Variants in MAP2K3 observed in about 807,000 individuals in gnomAD.
The protein encoded by MAP2K3 is dual specificity mitogen-activated protein kinase kinase 3.
A neutral mutation model predicts 46.4 loss-of-function variants in MAP2K3; 30 were observed. The observed-to-expected ratio is 0.65, with a 90% CI of 0.48 to 0.88. The LOEUF (loss-of-function observed/expected upper bound fraction) is 0.88, where lower values mean the gene tolerates loss of function less well. Ranked by LOEUF, MAP2K3 falls within the 40% of genes least tolerant of loss-of-function variation. MAP2K3 has a pLI of 0.00. For missense variants in MAP2K3, 380 were observed against 464.5 expected (o/e 0.82, Z 1.67); for synonymous variants, 189 against 176.3 (o/e 1.07, Z -0.57).
intron 1 of MAP2K3, chr17:21,298,211 T>C: frequency 1.3e-6 from 1 of 795,220 alleles, no homozygotes; most frequent in Non-Finnish European, 2.2e-6. Flanking sequence ...CCTGGGTCTG[T>C]CCTGCTCTGC....
At chr17:21,313,940 C>T in intron 11 of MAP2K3, 1 of 606,926 alleles carries the variant, frequency 1.6e-6, no homozygotes, top group South Asian at 1.9e-5. Flanking sequence ...GTTAGTGTGG[C>T]TGGAGAGTGA....
intron 5 of MAP2K3, among the ~76,000 whole-genome samples, chr17:21,301,532 A>T (rs1976600306): frequency 6.6e-6 from 1 of 152,312 alleles, no homozygotes; most frequent in South Asian, 2.1e-4. Flanking sequence ...CCCCTCAAAG[A>T]GCTGTGGCAG....
At position 21,284,873 on chromosome 17, in the gene MAP2K3, G is replaced by A. The variant is rs781648197; in HGVS notation, c.-48G>A. The A allele has an allele frequency of 8.1e-6, 13 of 1,597,526 alleles. No homozygotes were observed. The Middle Eastern group carries it at 5.0e-4, about 61-fold the overall frequency. On this transcript the variant is annotated 5_prime_UTR_variant, in exon 1 of 12. Transcript: ENST00000342679. ...AGCGTGCTCGGCCCCGGTGGAGCCC[G>A]CAGTCCTCTAGATTAGTCTCCACCG...
chr17:21,292,573 C>G (rs2144487984), intron 1 of MAP2K3, among the ~76,000 whole-genome samples: 1 of 152,426 alleles, frequency 6.6e-6, no homozygotes, highest in East Asian at 1.9e-4. Flanking sequence ...TCATGTTGCC[C>G]AGGCTAGTAT....
At chr17:21,295,509 C>T in intron 1 of MAP2K3, 1 of 946,908 alleles carries the variant, frequency 1.1e-6, no homozygotes, top group Non-Finnish European at 1.3e-6. Flanking sequence ...TGCACCTGGG[C>T]AGCCCTGGGC....
intron 1 of MAP2K3, chr17:21,288,033 A>C: frequency 7.8e-7 from 1 of 1,288,996 alleles, no homozygotes; most frequent in Non-Finnish European, 1.0e-6. Flanking sequence ...GCCCAAAGGG[A>C]GCAAAGTTCT....
At chr17:21,291,720 C>T (rs1975950184) in intron 1 of MAP2K3, 2 of 390,792 alleles carry the variant, frequency 5.1e-6, no homozygotes, top group East Asian at 7.2e-5. Flanking sequence ...TGTGCATGGA[C>T]TTGTTTGGTC....
chr17:21,313,592 T>TGGGGGGGGGGGGGGGGGGG, intron 11 of MAP2K3, 55 bp downstream of exon 11: 2 of 819,724 alleles, frequency 2.4e-6, no homozygotes, highest in Admixed American at 1.9e-5. Context: ...TGGGGCTGGG[T>TGGGGGGGGGGGGGGGGGGG]GGGGCTCTGG....
intron 1 of MAP2K3, among the ~76,000 whole-genome samples, chr17:21,294,917 C>A (rs1011139968): frequency 6.6e-6 from 1 of 152,430 alleles, no homozygotes; most frequent in Non-Finnish European, 1.5e-5. Flanking sequence ...CAGGCCTTGG[C>A]TCCAGAGTGA....
intron 1 of MAP2K3, among the ~76,000 whole-genome samples, chr17:21,297,969 G>C (rs1976354434): frequency 6.6e-6 from 1 of 152,298 alleles, no homozygotes. Context: ...TCCTCATCTT[G>C]GATGCAGTAT....
intron 9 of MAP2K3, among the ~76,000 whole-genome samples, chr17:21,306,011 A>T (rs1339106454): frequency 2.6e-5 from 4 of 152,262 alleles, no homozygotes; most frequent in African/African-American, 9.6e-5. Context: ...GTCAGATAGA[A>T]TCAGTAAGAT....
Position 21,284,965 on chromosome 17 carries a change from C to T in MAP2K3, c.45C>T (p.Ser15=). ...GCCAGCCCGCCAGCATGCCCCAGTC[C>T]AAAGGTAGGCGCTCCCGGCCGGGAC... The part of the protein sequence containing the change: ...ASSQPASMPQ[S]KGKSKRKKDL... Residue 15 remains serine, a synonymous_variant, in exon 1 of 12, where the codon TCC becomes TCT. Coordinates refer to ENST00000342679, the MANE Select transcript of MAP2K3 (RefSeq NM_145109.3). The T allele has an allele frequency of 6.2e-7, 1 of 1,610,966 alleles. No homozygotes were observed.
chr17:21,295,856 C>G, intron 1 of MAP2K3: 1 of 1,287,756 alleles, frequency 7.8e-7, no homozygotes. Flanking sequence ...CAGGCTGGGG[C>G]CAGAGGGACC....
intron 1 of MAP2K3, chr17:21,291,328 G>GAATACAATACAATAGAATACAATAA: frequency 5.3e-5 from 3 of 56,146 alleles, no homozygotes; most frequent in Non-Finnish European, 1.0e-4. Flanking sequence ...GAATACAATA[G>GAATACAATACAATAGAATACAATAA]AATACAGTAC....
At position 21,298,497 on chromosome 17, in the gene MAP2K3, T is replaced by G; in HGVS notation, c.116+18T>G. Reference sequence around the variant, plus strand: ...AACCCCACGTGAGTCTGCCTCAGTTTCTCCCTGGCTCACCCTGGAGAGGCT... The same window carrying G: ...AACCCCACGTGAGTCTGCCTCAGTTGCTCCCTGGCTCACCCTGGAGAGGCT... On this transcript the variant is annotated intron_variant, in intron 2 of 11. Transcript: ENST00000342679. The G allele has an allele frequency of 1.9e-6, 3 of 1,614,308 alleles. No homozygotes were observed. The highest frequency in any genetic ancestry group is 2.5e-6 in the Non-Finnish European group (3 of 1,180,052).
chr17:21,309,935 A>T (rs1977084250), intron 9 of MAP2K3, among the ~76,000 whole-genome samples: 1 of 151,940 alleles, frequency 6.6e-6, no homozygotes, highest in African/African-American at 2.4e-5. Flanking sequence ...AACTTTTTAA[A>T]AAAAATTTTG....
chr17:21,286,993 C>A (rs1471920812), intron 1 of MAP2K3, among the ~76,000 whole-genome samples: 1 of 152,224 alleles, frequency 6.6e-6, no homozygotes, highest in African/African-American at 2.4e-5. Flanking sequence ...TCCTCATAGC[C>A]CCATTTACTG....
At chr17:21,310,532 C>T (rs932758400) in intron 9 of MAP2K3, among the ~76,000 whole-genome samples, 4 of 152,274 alleles carry the variant, frequency 2.6e-5, no homozygotes, top group African/African-American at 9.6e-5. Flanking sequence ...CCCCATCCTG[C>T]AAGGGCCCCA....
At chr17:21,308,547 G>A (rs370821987) in intron 9 of MAP2K3, among the ~76,000 whole-genome samples, 148 of 152,422 alleles carry the variant, frequency 9.7e-4, no homozygotes, top group African/African-American at 3.3e-3. Flanking sequence ...TTGTCAGAGA[G>A]GTGGGACTGG....
Sources: allele counts gnomAD v4.1 joint callset (sites outside exome capture counted in the v4.1 genomes callset), GRCh38; gene constraint gnomAD v4.1.1; transcripts MANE v1.5; gene names NCBI Gene and HGNC (gene_info 2026-07-23, HGNC 2026-07-21).